The following ZPLD1 variants were observed in gnomAD, a reference collection of about 807,000 sequenced individuals.
ZPLD1 encodes the protein zona pellucida like domain containing 1, also known as zona pellucida-like domain-containing protein 1.
ZPLD1 carries 34 observed loss-of-function variants against 47.2 expected under a neutral mutation model. The ratio of observed to expected loss-of-function variants is 0.72; its 90% confidence interval spans 0.55 to 0.96. The LOEUF (loss-of-function observed/expected upper bound fraction) is 0.96, where lower values mean the gene tolerates loss of function less well. Among genes scored for constraint, ZPLD1 ranks in the 40% least tolerant of loss-of-function variants. The pLI is 0.00. For synonymous variants in ZPLD1, 176 were observed against 186.2 expected (o/e 0.95, Z 0.45); for missense variants, 512 against 505.8 (o/e 1.01, Z -0.12).
intron 8 of ZPLD1, among the ~76,000 whole-genome samples, chr3:102,419,038 G>T (rs1706844729): frequency 6.6e-6 from 1 of 151,874 alleles, no homozygotes; most frequent in South Asian, 2.1e-4. Flanking sequence ...GGTTTTCAGG[G>T]TTATGACATT....
intron 4 of ZPLD1, among the ~76,000 whole-genome samples, chr3:102,454,839 G>C (rs570200567): frequency 1.6e-4 from 25 of 152,332 alleles, no homozygotes; most frequent in African/African-American, 5.1e-4. Context: ...CTGGGTGACA[G>C]AGTGAGACTT....
intron 7 of ZPLD1, among the ~76,000 whole-genome samples, chr3:102,412,445 G>C (rs1035276307): frequency 2.0e-5 from 3 of 151,670 alleles, no homozygotes; most frequent in African/African-American, 7.3e-5. Flanking sequence ...TGCTACACTA[G>C]CTGTAGGGTA....
intron 8 of ZPLD1, 96 bp from the exon 9 acceptor site, chr3:102,468,865 TGTA>T (rs1707637930): frequency 8.8e-7 from 1 of 1,132,554 alleles, no homozygotes; most frequent in Admixed American, 2.5e-5. Context: ...TAGCTCTTAA[TGTA>T]ATGGCGGAGT....
intron 8 of ZPLD1, among the ~76,000 whole-genome samples, chr3:102,426,302 G>A (rs1029337916): frequency 2.0e-5 from 3 of 152,128 alleles, no homozygotes; most frequent in Admixed American, 1.3e-4. Context: ...TAGTTCGCCT[G>A]AGGTCAGTAG....
chr3:102,403,694 A>T (rs1025046738), intron 7 of ZPLD1, among the ~76,000 whole-genome samples: 1 of 151,952 alleles, frequency 6.6e-6, no homozygotes, highest in African/African-American at 2.4e-5. Context: ...GTTTATCCTG[A>T]TGTGTCTTAA....
chr3:102,462,160 T>C, intron 6 of ZPLD1, 121 bp from the exon 7 acceptor site: 1 of 567,814 alleles, frequency 1.8e-6, no homozygotes, highest in Non-Finnish European at 3.0e-6. Flanking sequence ...CCTTTTTGGA[T>C]TGATTCTGTA....
intron 7 of ZPLD1, among the ~76,000 whole-genome samples, chr3:102,393,555 C>T (rs1441159624): frequency 6.6e-6 from 1 of 151,668 alleles, no homozygotes; most frequent in Non-Finnish European, 1.5e-5. Flanking sequence ...AATGGGGTGA[C>T]ATTCTGAGGG....
chr3:102,433,888 G>A (rs1489833662), upstream of ZPLD1, among the ~76,000 whole-genome samples: 1 of 152,042 alleles, frequency 6.6e-6, no homozygotes, highest in Non-Finnish European at 1.5e-5. Flanking sequence ...AAATTATGTA[G>A]ATATTAAAAA....
chr3:102,393,720 A>C (rs1706527430), intron 7 of ZPLD1, among the ~76,000 whole-genome samples: 1 of 152,122 alleles, frequency 6.6e-6, no homozygotes, highest in Admixed American at 6.5e-5. Context: ...ATTTTATTAG[A>C]AATATCTTTG....
At chr3:102,470,915 A>C (rs1311551885) in intron 10 of ZPLD1, among the ~76,000 whole-genome samples, 1 of 151,970 alleles carries the variant, frequency 6.6e-6, no homozygotes, top group African/African-American at 2.4e-5. Flanking sequence ...GGTAGCTGAG[A>C]TTACAGGCGC....
intron 3 of ZPLD1, among the ~76,000 whole-genome samples, chr3:102,444,323 T>C (rs1707224666): frequency 6.6e-6 from 1 of 152,170 alleles, no homozygotes; most frequent in Admixed American, 6.5e-5. Flanking sequence ...AAACAGATGT[T>C]GTGATGAAAG....
Position 102,452,137 on chromosome 3 carries a change from G to A in ZPLD1, c.107-782G>A, listed in dbSNP as rs187666107. On this transcript the variant is annotated intron_variant, in intron 3 of 11. Coordinates refer to ENST00000466937, the MANE Select transcript of ZPLD1 (RefSeq NM_001329788.2). ...ACCGTGTGTGTGTGTGTGTGTGTGT[G>A]TGTGTGTGTGTGTGTGTGTGCTCAC... is the stretch of plus-strand genomic sequence containing the variant. Among the ~76,000 whole-genome samples, 664 of 151,550 alleles carry A rather than the reference G, an allele frequency of 4.4e-3. 14 individuals carry two copies. The highest frequency in any genetic ancestry group is 0.033 in the Admixed American group (506 of 15,204).
intron 3 of ZPLD1, among the ~76,000 whole-genome samples, chr3:102,446,611 C>T (rs1707259330): frequency 6.6e-6 from 1 of 152,148 alleles, no homozygotes; most frequent in African/African-American, 2.4e-5. Context: ...AATCCACCCA[C>T]TCATCAAAGC....
intron 7 of ZPLD1, among the ~76,000 whole-genome samples, chr3:102,417,545 C>G (rs575836203): frequency 1.4e-4 from 21 of 151,954 alleles, no homozygotes; most frequent in Non-Finnish European, 3.1e-4. Flanking sequence ...GTTTCAGTGT[C>G]TAGCTTCCTC....
At chr3:102,457,985 T>G (rs112987527) in intron 6 of ZPLD1, 132 bp downstream of exon 6, 16,824 of 748,690 alleles carry the variant, frequency 0.022, 238 homozygotes, top group Non-Finnish European at 0.028. Flanking sequence ...TTTATCTATT[T>G]TTGCTACCAT....
chr3:102,473,794 C>T (rs1053094240), intron 10 of ZPLD1, among the ~76,000 whole-genome samples: 1 of 152,164 alleles, frequency 6.6e-6, no homozygotes, highest in Non-Finnish European at 1.5e-5. Context: ...GTGCAAACTT[C>T]ATGTTCAACT....
At chr3:102,392,189 G>A (rs988952905) in exon 7 of ZPLD1, 3 of 152,144 alleles carry the variant, frequency 2.0e-5, no homozygotes, top group African/African-American at 4.8e-5. Flanking sequence ...ATAAACCGAT[G>A]CAACTGGTTT....
intron 7 of ZPLD1, among the ~76,000 whole-genome samples, chr3:102,394,838 A>T (rs1706538828): frequency 6.6e-6 from 1 of 152,210 alleles, no homozygotes; most frequent in Admixed American, 6.5e-5. Flanking sequence ...TGGTGATGTA[A>T]CCACATCTGA....
intron 8 of ZPLD1, among the ~76,000 whole-genome samples, chr3:102,427,698 C>T (rs770231222): frequency 1.0e-3 from 153 of 152,116 alleles, no homozygotes; most frequent in Non-Finnish European, 3.1e-4. Flanking sequence ...ACACACAATT[C>T]GTGACAGAAT....
Sources: allele counts gnomAD v4.1 joint callset (sites outside exome capture counted in the v4.1 genomes callset), GRCh38; gene constraint gnomAD v4.1.1; transcripts MANE v1.5; gene names NCBI Gene and HGNC (gene_info 2026-07-23, HGNC 2026-07-21).